Variants in STX8 observed in about 807,000 individuals in gnomAD.
STX8 encodes syntaxin-8.
STX8 carries 23 observed loss-of-function variants against 37.5 expected under a neutral mutation model. The observed-to-expected ratio is 0.61, with a 90% CI of 0.44 to 0.87. The LOEUF (loss-of-function observed/expected upper bound fraction) is 0.87. Among genes scored for constraint, STX8 ranks in the 40% least tolerant of loss-of-function variants. The pLI is 0.00. For missense variants in STX8, 313 were observed against 284.7 expected, an observed-to-expected ratio of 1.10 and a Z score of -0.71; for synonymous variants, 115 against 99.1, an observed-to-expected ratio of 1.16 and a Z score of -0.95.
intron 6 of STX8, among the ~76,000 whole-genome samples, chr17:9,387,301 T>G (rs555809450): frequency 7.2e-5 from 11 of 152,094 alleles, no homozygotes; most frequent in Non-Finnish European, 1.5e-4. Flanking sequence ...AGTGGGCTTT[T>G]TTTTCTTTTT....
At chr17:9,422,437 G>A (rs1263262131) in intron 6 of STX8, among the ~76,000 whole-genome samples, 1 of 152,222 alleles carries the variant, frequency 6.6e-6, no homozygotes, top group Non-Finnish European at 1.5e-5. Context: ...TTTACAGCAT[G>A]TGAGAACGGA....
At chr17:9,332,571 T>C (rs544232156) in intron 7 of STX8, among the ~76,000 whole-genome samples, 1 of 152,362 alleles carries the variant, frequency 6.6e-6, no homozygotes, top group Admixed American at 6.5e-5. Flanking sequence ...AATGGTGCTA[T>C]GTTTCAGTCA....
At chr17:9,389,192 C>T (rs979314675) in intron 6 of STX8, among the ~76,000 whole-genome samples, 4 of 152,234 alleles carry the variant, frequency 2.6e-5, no homozygotes, top group Admixed American at 6.5e-5. Flanking sequence ...TCAGTTATGA[C>T]CTCAGAAGAT....
chr17:9,294,569 G>A (rs1024410199), intron 7 of STX8, among the ~76,000 whole-genome samples: 1 of 152,204 alleles, frequency 6.6e-6, no homozygotes, highest in Non-Finnish European at 1.5e-5. Context: ...TCGCTCCTTA[G>A]AGACTTCCAG....
chr17:9,391,283 G>GTC (rs55953359), intron 6 of STX8, among the ~76,000 whole-genome samples: 49,683 of 151,344 alleles, frequency 0.33, 10,164 homozygotes, highest in African/African-American at 0.59. Context: ...GTGAAACCCT[G>GTC]TCTACTAAAA....
In STX8 at chr17:9,341,372, C is replaced by T. The variant is rs533756153; in HGVS notation, c.643+37180G>A. Among the ~76,000 whole-genome samples the T allele has an allele frequency of 5.6e-4, 86 of 152,240 alleles. 1 individual carries two copies. The South Asian group carries it at 0.016, about 28-fold the overall frequency. ...CATATATTCATGGATCTCTAATAAA[C>T]GAAAGAGTGAAAATACGTAATTGGC... is the stretch of plus-strand genomic sequence containing the variant. On this transcript the variant is annotated intron_variant, in intron 7 of 7. Transcript: ENST00000306357.
intron 6 of STX8, among the ~76,000 whole-genome samples, chr17:9,398,866 T>C (rs973807668): frequency 1.4e-4 from 22 of 152,086 alleles, no homozygotes; most frequent in Admixed American, 3.9e-4. Flanking sequence ...CTGGCCTACA[T>C]TGTGAAATCC....
intron 6 of STX8, among the ~76,000 whole-genome samples, chr17:9,470,473 TG>T (rs1313732410): frequency 6.6e-6 from 1 of 152,226 alleles, no homozygotes; most frequent in Admixed American, 6.6e-5. Flanking sequence ...CAGAGAACTC[TG>T]AGGATAAGCC....
intron 4 of STX8, among the ~76,000 whole-genome samples, chr17:9,523,104 A>C (rs963372504): frequency 1.3e-5 from 2 of 151,986 alleles, no homozygotes; most frequent in Non-Finnish European, 1.5e-5. Flanking sequence ...CAAGGTCAAG[A>C]GATCGAGACC....
chr17:9,251,636 ACTG>A (rs1314404039), intron 7 of STX8, among the ~76,000 whole-genome samples: 1 of 152,230 alleles, frequency 6.6e-6, no homozygotes, highest in Non-Finnish European at 1.5e-5. Context: ...AGCCATCAGG[ACTG>A]CTGAACGCCA....
At chr17:9,565,219 A>C (rs547799810) in intron 2 of STX8, among the ~76,000 whole-genome samples, 55 of 152,300 alleles carry the variant, frequency 3.6e-4, no homozygotes, top group African/African-American at 1.3e-3. Context: ...AAAAGAAATA[A>C]TAAAATAAAA....
chr17:9,483,542 G>A (rs997651975), intron 6 of STX8, among the ~76,000 whole-genome samples: 1 of 152,098 alleles, frequency 6.6e-6, no homozygotes, highest in African/African-American at 2.4e-5. Flanking sequence ...AGCCTACCAC[G>A]CTGTTCTTCT....
At chr17:9,523,838 T>C (rs1389520795) in intron 4 of STX8, among the ~76,000 whole-genome samples, 1 of 152,190 alleles carries the variant, frequency 6.6e-6, no homozygotes, top group Admixed American at 6.5e-5. Flanking sequence ...AATAGAAATG[T>C]GTGTTTGGCA....
intron 4 of STX8, among the ~76,000 whole-genome samples, chr17:9,531,413 T>C (rs1905813800): frequency 6.6e-6 from 1 of 152,188 alleles, no homozygotes; most frequent in African/African-American, 2.4e-5. Flanking sequence ...TCCCAATCTC[T>C]GAACAAGGCA....
At chr17:9,533,880 A>G (rs887503525) in intron 4 of STX8, among the ~76,000 whole-genome samples, 3 of 152,186 alleles carry the variant, frequency 2.0e-5, no homozygotes, top group African/African-American at 7.2e-5. Flanking sequence ...TCCACTGCTC[A>G]GAGACCATAA....
At position 9,357,245 on chromosome 17, in the gene STX8, G is replaced by C. The variant is rs572217846; in HGVS notation, c.643+21307C>G. On this transcript the variant is annotated intron_variant, in intron 7 of 7. Coordinates refer to ENST00000306357, the MANE Select transcript of STX8 (RefSeq NM_004853.3). ...GGCCTCCCCAAATGTTGGGATTATA[G>C]GCGTGAGCCACTGCGCCCGGCCCTT... is the stretch of plus-strand genomic sequence containing the variant. 2.0e-5 allele frequency among the ~76,000 whole-genome samples: 3 copies of C among 151,870 alleles called. No homozygotes were observed. The East Asian group carries it at 5.9e-4, about 30-fold the overall frequency.
At chr17:9,267,046 C>G (rs1319894487) in intron 7 of STX8, among the ~76,000 whole-genome samples, 1 of 152,188 alleles carries the variant, frequency 6.6e-6, no homozygotes, top group East Asian at 1.9e-4. Context: ...CTGTGTGTCA[C>G]TTCCCACGTA....
chr17:9,307,326 T>A (rs1030253807), intron 7 of STX8, among the ~76,000 whole-genome samples: 3 of 152,146 alleles, frequency 2.0e-5, no homozygotes, highest in African/African-American at 7.2e-5. Flanking sequence ...GGCCAGTTTC[T>A]CCACCTTTTC....
At chr17:9,422,929 T>G (rs1333475980) in intron 6 of STX8, among the ~76,000 whole-genome samples, 1 of 152,184 alleles carries the variant, frequency 6.6e-6, no homozygotes, top group Non-Finnish European at 1.5e-5. Context: ...ACTGGTTAAA[T>G]TACAGCAAAC....
Sources: allele counts gnomAD v4.1 joint callset (sites outside exome capture counted in the v4.1 genomes callset), GRCh38; gene constraint gnomAD v4.1.1; transcripts MANE v1.5; gene names NCBI Gene and HGNC (gene_info 2026-07-23, HGNC 2026-07-21).